The following PIKFYVE variants were observed in gnomAD, a reference collection of about 807,000 sequenced individuals.
The protein encoded by PIKFYVE is phosphoinositide kinase, FYVE-type zinc finger containing, also known as 1-phosphatidylinositol 3-phosphate 5-kinase.
Under a neutral mutation model 257.9 loss-of-function variants are expected in PIKFYVE, and 122 were observed. That is an observed-to-expected ratio of 0.47 (90% CI 0.41 to 0.55). PIKFYVE has a LOEUF of 0.55. Among genes scored for constraint, PIKFYVE ranks in the 20% least tolerant of loss-of-function variants. The pLI is 0.00. For missense variants in PIKFYVE, 2,160 were observed against 2,536.6 expected, an observed-to-expected ratio of 0.85 and a Z score of 3.19; for synonymous variants, 892 against 868.9, an observed-to-expected ratio of 1.03 and a Z score of -0.47.
intron 7 of PIKFYVE, among the ~76,000 whole-genome samples, chr2:208,296,655 G>A (rs1693027497): frequency 2.0e-5 from 3 of 152,130 alleles, no homozygotes; most frequent in African/African-American, 7.2e-5. Flanking sequence ...AGGAAATAAG[G>A]ACTAAGGACT....
Position 208,325,494 on chromosome 2 carries a change from G to T in PIKFYVE, c.2683G>T (p.Gly895Ter). 1 of 1,614,188 alleles carries T rather than the reference G, an allele frequency of 6.2e-7. No homozygotes were observed. ...CCCTTCATTCCATTCCCTGATTGAGGGACGAGGGCATGAGGGGGCTGTCCA... is the reference window on the plus strand; with the variant it reads ...CCCTTCATTCCATTCCCTGATTGAGTGACGAGGGCATGAGGGGGCTGTCCA... ...QNPSFHSLIE[G>*]RGHEGAVQEQ... Residue 895 changes from glycine to a stop codon, truncating the protein, a stop_gained, in exon 20 of 42, where the codon GGA becomes TGA. Coordinates refer to ENST00000264380, the MANE Select transcript of PIKFYVE (RefSeq NM_015040.4). LOFTEE classifies it high-confidence loss of function.
intron 33 of PIKFYVE, among the ~76,000 whole-genome samples, chr2:208,345,605 G>A (rs1478102133): frequency 6.6e-6 from 1 of 152,022 alleles, no homozygotes; most frequent in Non-Finnish European, 1.5e-5. Context: ...ATTTTGGCAA[G>A]TTCAGTATTT....
At chr2:208,348,359 A>G (rs961381632) in intron 35 of PIKFYVE, among the ~76,000 whole-genome samples, 1 of 152,192 alleles carries the variant, frequency 6.6e-6, no homozygotes, top group Non-Finnish European at 1.5e-5. Flanking sequence ...ATATACTCAA[A>G]TGTTTTCATT....
At chr2:208,283,365 A>G (rs535995916) in intron 5 of PIKFYVE, among the ~76,000 whole-genome samples, 1 of 152,232 alleles carries the variant, frequency 6.6e-6, no homozygotes, top group African/African-American at 2.4e-5. Flanking sequence ...TTCCCATCAC[A>G]CCATATAGGC....
intron 31 of PIKFYVE, 126 bp downstream of exon 31, chr2:208,340,257 A>T (rs1698570337): frequency 8.0e-7 from 1 of 1,247,148 alleles, no homozygotes; most frequent in Non-Finnish European, 1.1e-6. Context: ...CATTTTAGTA[A>T]AAGAGATGTC....
At chr2:208,268,612 T>C (rs1048048137) in intron 1 of PIKFYVE, among the ~76,000 whole-genome samples, 1 of 151,702 alleles carries the variant, frequency 6.6e-6, no homozygotes, top group Non-Finnish European at 1.5e-5. Flanking sequence ...ACACAAACTT[T>C]TTTTTGAGTG....
chr2:208,351,033 TAAG>T, intron 37 of PIKFYVE, 86 bp downstream of exon 37: 4 of 1,531,554 alleles, frequency 2.6e-6, no homozygotes, highest in Non-Finnish European at 3.6e-6. Context: ...TATTGCTTAA[TAAG>T]AACTTTCATA....
chr2:208,274,235 A>C (rs1689818256), intron 3 of PIKFYVE, among the ~76,000 whole-genome samples: 1 of 152,174 alleles, frequency 6.6e-6, no homozygotes, highest in Admixed American at 6.5e-5. Flanking sequence ...AGCTCCTCTC[A>C]TCTGTCTGTT....
chr2:208,269,857 C>G (rs898434552), intron 1 of PIKFYVE: 4 of 298,456 alleles, frequency 1.3e-5, no homozygotes, highest in Middle Eastern at 8.5e-4. Context: ...GCTGGCTCAG[C>G]TTTGGTCTTG....
At chr2:208,354,889 A>G (rs568844062) in intron 41 of PIKFYVE, among the ~76,000 whole-genome samples, 4 of 152,370 alleles carry the variant, frequency 2.6e-5, no homozygotes, top group Middle Eastern at 6.8e-3. Flanking sequence ...TGTTCTGAAT[A>G]AGAGATTGTC....
chr2:208,296,084 A>G (rs1364325315), intron 7 of PIKFYVE, among the ~76,000 whole-genome samples: 1 of 151,868 alleles, frequency 6.6e-6, no homozygotes. Flanking sequence ...ACCTCATTGC[A>G]ACCTCTGCCT....
At chr2:208,293,907 CAT>C (rs936564844) in intron 7 of PIKFYVE, among the ~76,000 whole-genome samples, 3 of 152,172 alleles carry the variant, frequency 2.0e-5, no homozygotes, top group Non-Finnish European at 4.4e-5. Flanking sequence ...GTTTTTTTGA[CAT>C]TTATCCACGC....
chr2:208,290,987 A>G (rs1392109269), intron 7 of PIKFYVE, among the ~76,000 whole-genome samples: 1 of 152,002 alleles, frequency 6.6e-6, no homozygotes, highest in Non-Finnish European at 1.5e-5. Context: ...TGTACTTTTT[A>G]TTTCCTTTTC....
rs1219076803 is a variant in PIKFYVE, at chr2:208,273,968, G to C, written c.322+235G>C. 3 of 1,580,046 alleles carry C rather than the reference G, an allele frequency of 1.9e-6. No homozygotes were observed. In the South Asian group the frequency reaches 3.4e-5, roughly 18 times the overall value. On this transcript the variant is annotated intron_variant, in intron 3 of 41. Transcript: ENST00000264380. ...TCTCATTAAACTTTAATTTAGGCAA[G>C]GCACAGATTTCTTGACTATTTTTTG... is the stretch of plus-strand genomic sequence containing the variant.
In PIKFYVE at chr2:208,272,913, C is replaced by T. The variant is rs556571888; in HGVS notation, c.173-671C>T. ...ATTAACATTTTACATTAGTCTGGTA[C>T]ATTTGTTACAATTAATGAACTGTTA... On this transcript the variant is annotated intron_variant, in intron 2 of 41. Coordinates refer to ENST00000264380, the MANE Select transcript of PIKFYVE (RefSeq NM_015040.4). Among the ~76,000 whole-genome samples the T allele has an allele frequency of 6.6e-5, 10 of 152,246 alleles. 1 individual carries two copies. In the Middle Eastern group the frequency reaches 0.02, roughly 311 times the overall value.
intron 1 of PIKFYVE, among the ~76,000 whole-genome samples, chr2:208,268,509 C>T (rs1688975911): frequency 6.9e-6 from 1 of 144,964 alleles, no homozygotes; most frequent in Non-Finnish European, 1.5e-5. Flanking sequence ...CTCCTGGCCT[C>T]AAGCGATCCT....
chr2:208,337,240 T>C (rs1698222774), intron 28 of PIKFYVE, among the ~76,000 whole-genome samples: 1 of 152,142 alleles, frequency 6.6e-6, no homozygotes, highest in African/African-American at 2.4e-5. Context: ...CTGAGTATAA[T>C]AGGGTGCTCA....
At position 208,277,133 on chromosome 2, in the gene PIKFYVE, C is replaced by A. The variant is rs532521328; in HGVS notation, c.441+303C>A. ...ATTTCTGTCAAGTATAGGGGTCAGG[C>A]TTCCATTTTTCCTCATGGATGTCCA... is the stretch of plus-strand genomic sequence containing the variant. On this transcript the variant is annotated intron_variant, in intron 4 of 41. Transcript: ENST00000264380. 5.3e-5 allele frequency among the ~76,000 whole-genome samples: 8 copies of A among 152,250 alleles called. No individual in the cohort carries two copies. In the South Asian group the frequency reaches 1.2e-3, roughly 24 times the overall value.
intron 20 of PIKFYVE, among the ~76,000 whole-genome samples, chr2:208,327,081 G>A (rs982401777): frequency 7.2e-5 from 11 of 152,202 alleles, no homozygotes; most frequent in African/African-American, 1.9e-4. Context: ...GCTAAATAAT[G>A]TATGTTCAAT....
Sources: gnomAD v4.1 joint callset for allele counts (sites outside exome capture counted in the v4.1 genomes callset) on GRCh38, gnomAD v4.1.1 for gene constraint, MANE v1.5 for transcripts, NCBI Gene and HGNC (gene_info 2026-07-23, HGNC 2026-07-21) for gene names.